The following LRP1B variants were observed in gnomAD, a reference collection of about 807,000 sequenced individuals.
LRP1B encodes low-density lipoprotein receptor-related protein 1B.
A neutral mutation model predicts 556.6 loss-of-function variants in LRP1B; 217 were observed. The observed-to-expected ratio is 0.39, with a 90% CI of 0.35 to 0.44. The LOEUF (loss-of-function observed/expected upper bound fraction) is 0.44, where lower values mean the gene tolerates loss of function less well. Ranked by LOEUF, LRP1B falls within the 20% of genes least tolerant of loss-of-function variation. The probability of loss-of-function intolerance (pLI) is 1.00; values close to 1 mark genes in which losing one functional copy is unlikely to be tolerated. For missense variants in LRP1B, 5,053 were observed against 5,620.8 expected, an observed-to-expected ratio of 0.90 and a Z score of 3.23; for synonymous variants, 2,047 against 1,865.8, an observed-to-expected ratio of 1.10 and a Z score of -2.50.
At chr2:141,759,201 A>G (rs1267233019) in intron 2 of LRP1B, among the ~76,000 whole-genome samples, 4 of 152,194 alleles carry the variant, frequency 2.6e-5, no homozygotes, top group African/African-American at 9.6e-5. Context: ...ACTGAGATAA[A>G]AAGTTCATAT....
At chr2:140,836,193 G>T (rs1156435087) in intron 31 of LRP1B, among the ~76,000 whole-genome samples, 1 of 152,094 alleles carries the variant, frequency 6.6e-6, no homozygotes, top group Non-Finnish European at 1.5e-5. Context: ...GTATGGAATT[G>T]CTAGAACATG....
At chr2:142,009,313 T>A (rs1702884916) in intron 1 of LRP1B, among the ~76,000 whole-genome samples, 1 of 152,118 alleles carries the variant, frequency 6.6e-6, no homozygotes. Context: ...AAGAACTCCC[T>A]TTTTTCTGAT....
At chr2:140,866,622 A>G (rs1382725190) in intron 27 of LRP1B, among the ~76,000 whole-genome samples, 1 of 152,096 alleles carries the variant, frequency 6.6e-6, no homozygotes, top group Admixed American at 6.6e-5. Context: ...AAATAACTAG[A>G]TTCAATCAGA....
At chr2:141,761,025 G>A (rs1398661103) in intron 2 of LRP1B, among the ~76,000 whole-genome samples, 2 of 152,060 alleles carry the variant, frequency 1.3e-5, no homozygotes, top group Non-Finnish European at 2.9e-5. Flanking sequence ...ACGGAGTATG[G>A]GGTTGACAGA....
At chr2:141,413,412 C>T (rs2104946930) in intron 3 of LRP1B, among the ~76,000 whole-genome samples, 1 of 152,058 alleles carries the variant, frequency 6.6e-6, no homozygotes, top group East Asian at 1.9e-4. Flanking sequence ...AGGCCATGAG[C>T]CAAGCAATGT....
At chr2:141,214,290 G>A (rs776328363) in intron 6 of LRP1B, among the ~76,000 whole-genome samples, 131 of 152,256 alleles carry the variant, frequency 8.6e-4, no homozygotes, top group Non-Finnish European at 1.6e-3. Context: ...TATCTGTGGT[G>A]AAGAATGAAA....
intron 1 of LRP1B, among the ~76,000 whole-genome samples, chr2:142,126,672 T>C (rs1218782477): frequency 6.6e-6 from 1 of 151,864 alleles, no homozygotes; most frequent in Non-Finnish European, 1.5e-5. Context: ...TTGGTACTTT[T>C]TACTACACAG....
chr2:140,707,207 G>T (rs1281522806), intron 37 of LRP1B, among the ~76,000 whole-genome samples: 1 of 152,020 alleles, frequency 6.6e-6, no homozygotes, highest in African/African-American at 2.4e-5. Context: ...AAGTGAGTAT[G>T]ATTTAGATCC....
chr2:141,493,462 A>G (rs1385806053), intron 2 of LRP1B, among the ~76,000 whole-genome samples: 1 of 152,206 alleles, frequency 6.6e-6, no homozygotes, highest in African/African-American at 2.4e-5. Flanking sequence ...AATATACTGT[A>G]CAGGTCATAG....
chr2:141,795,857 A>AATATATAT (rs1198211801), intron 2 of LRP1B, among the ~76,000 whole-genome samples: 803 of 50,792 alleles, frequency 0.016, 21 homozygotes, highest in Non-Finnish European at 0.019. Context: ...AACCAGGAGC[A>AATATATAT]ATATATATAT....
chr2:141,095,796 T>C (rs189434675), intron 7 of LRP1B, among the ~76,000 whole-genome samples: 29 of 152,212 alleles, frequency 1.9e-4, no homozygotes, highest in Admixed American at 9.8e-4. Flanking sequence ...CAGCAGGTGT[T>C]GCTGGCTAGG....
intron 2 of LRP1B, among the ~76,000 whole-genome samples, chr2:141,586,998 T>C (rs1230779481): frequency 2.0e-5 from 3 of 148,722 alleles, no homozygotes; most frequent in African/African-American, 4.9e-5. Context: ...GAAATACTCA[T>C]ATATGACACC....
intron 2 of LRP1B, among the ~76,000 whole-genome samples, chr2:141,531,037 A>T (rs1240792700): frequency 6.6e-6 from 1 of 151,952 alleles, no homozygotes; most frequent in African/African-American, 2.4e-5. Context: ...TTATATTTTT[A>T]AAATAATAAT....
chr2:141,285,459 T>TC (rs1558981655), intron 3 of LRP1B, among the ~76,000 whole-genome samples: 2 of 143,922 alleles, frequency 1.4e-5, no homozygotes, highest in African/African-American at 2.6e-5. Context: ...TTTTTTCTTT[T>TC]TTTTTTTTTT....
At chr2:140,303,303 A>G (rs937516334) in intron 83 of LRP1B, among the ~76,000 whole-genome samples, 1 of 151,976 alleles carries the variant, frequency 6.6e-6, no homozygotes, top group African/African-American at 2.4e-5. Flanking sequence ...GCTGGAGTGC[A>G]GTGGCACAGT....
In LRP1B at chr2:140,485,500, T is replaced by C. The variant is rs765955750; in HGVS notation, c.9268A>G (p.Asn3090Asp). The change falls in exon 59 of 91, where the codon AAT becomes GAT. Residue 3090 changes from asparagine to aspartate, a missense_variant. Asn to Asp is a conservative substitution (Grantham distance 23). This residue lies in a region of LRP1B where 3,619 missense variants were observed against 3,931.9 expected (regional missense o/e 0.92). Coordinates refer to ENST00000389484, the MANE Select transcript of LRP1B (RefSeq NM_018557.3). ...CCAATCCAATCGACAGCAAGTGCATTGGGGACCGCTGTGTTATGAACTACC... is the reference window on the plus strand; with the variant it reads ...CCAATCCAATCGACAGCAAGTGCATCGGGGACCGCTGTGTTATGAACTACC... The part of the protein sequence containing the change: ...IKVVHNTAVP[N>D]ALAVDWIGKN... 18 of 1,613,532 alleles carry C rather than the reference T, an allele frequency of 1.1e-5. No homozygotes were observed. The Admixed American group carries it at 2.2e-4, about 19-fold the overall frequency.
At chr2:141,773,953 T>A (rs1694979514) in intron 2 of LRP1B, among the ~76,000 whole-genome samples, 1 of 152,204 alleles carries the variant, frequency 6.6e-6, no homozygotes, top group Non-Finnish European at 1.5e-5. Context: ...TGTCCAGAAC[T>A]CTATGCCTTT....
chr2:141,291,954 C>G (rs1685984105), intron 3 of LRP1B, among the ~76,000 whole-genome samples: 1 of 146,350 alleles, frequency 6.8e-6, no homozygotes. Flanking sequence ...AAATATTTAA[C>G]TGTATATCCC....
At chr2:140,934,231 G>T (rs1695137623) in intron 20 of LRP1B, among the ~76,000 whole-genome samples, 1 of 151,974 alleles carries the variant, frequency 6.6e-6, no homozygotes, top group South Asian at 2.1e-4. Flanking sequence ...ATATGATTTT[G>T]CTGAGTCTAT....
Sources: gnomAD v4.1 joint callset for allele counts (sites outside exome capture counted in the v4.1 genomes callset) on GRCh38, gnomAD v4.1.1 for gene constraint, gnomAD v4.1.1 regional missense constraint, MANE v1.5 for transcripts, NCBI Gene and HGNC (gene_info 2026-07-23, HGNC 2026-07-21) for gene names.